Variants in RTN3 observed in about 807,000 individuals in gnomAD.
RTN3 encodes the protein reticulon 3.
RTN3 carries 49 observed loss-of-function variants against 77.8 expected under a neutral mutation model. The observed-to-expected ratio is 0.63, with a 90% CI of 0.50 to 0.80. RTN3 has a LOEUF of 0.80. Among genes scored for constraint, RTN3 ranks in the 30% least tolerant of loss-of-function variants. The pLI is 0.00. For synonymous variants in RTN3, 464 were observed against 446.9 expected, an observed-to-expected ratio of 1.04 and a Z score of -0.48; for missense variants, 1,236 against 1,211.9, an observed-to-expected ratio of 1.02 and a Z score of -0.29.
chr11:63,740,448 A>ATTTTTTTTTTTTTTT (rs34045543), intron 3 of RTN3, among the ~76,000 whole-genome samples: 2 of 120,754 alleles, frequency 1.7e-5, no homozygotes, highest in African/African-American at 3.1e-5. Context: ...TGCCTGGCTA[A>ATTTTTTTTTTTTTTT]TTTTTTTTTT....
intron 1 of RTN3, among the ~76,000 whole-genome samples, chr11:63,689,632 C>A (rs1941551369): frequency 6.6e-6 from 1 of 151,616 alleles, no homozygotes; most frequent in African/African-American, 2.4e-5. Context: ...ACTATTCTTA[C>A]CTGTTTTCTC....
chr11:63,693,077 C>T (rs1285325908), intron 1 of RTN3, among the ~76,000 whole-genome samples: 1 of 152,106 alleles, frequency 6.6e-6, no homozygotes, highest in Non-Finnish European at 1.5e-5. Flanking sequence ...GCCCAGCTTC[C>T]TTATTGGTTT....
chr11:63,756,242 CA>C, intron 8 of RTN3, 72 bp downstream of exon 8: 1 of 1,004,330 alleles, frequency 1.0e-6, no homozygotes. Flanking sequence ...GTCCCTTGTA[CA>C]AAATGCAGAT....
chr11:63,750,444 G>C (rs2014039377), intron 4 of RTN3: 2 of 449,428 alleles, frequency 4.5e-6, no homozygotes, highest in Admixed American at 3.9e-5. Context: ...CTTCAAAGAA[G>C]ACTCTAAATT....
At chr11:63,744,563 A>T (rs941795565) in intron 3 of RTN3, among the ~76,000 whole-genome samples, 8 of 152,218 alleles carry the variant, frequency 5.3e-5, no homozygotes, top group Non-Finnish European at 1.0e-4. Flanking sequence ...ACATTAAAAA[A>T]ATACAGTAAA....
At chr11:63,732,304 A>C (rs1368342973) in intron 3 of RTN3, among the ~76,000 whole-genome samples, 1 of 152,068 alleles carries the variant, frequency 6.6e-6, no homozygotes, top group Admixed American at 6.6e-5. Flanking sequence ...ACAGGCAGGC[A>C]TCTAGGGACT....
At chr11:63,705,970 T>G (rs1331705948) in intron 2 of RTN3, among the ~76,000 whole-genome samples, 1 of 152,226 alleles carries the variant, frequency 6.6e-6, no homozygotes, top group African/African-American at 2.4e-5. Context: ...AGAACCTTTA[T>G]TTTAAAAGAG....
chr11:63,751,234 G>T (rs914796696), intron 4 of RTN3, among the ~76,000 whole-genome samples: 3 of 152,218 alleles, frequency 2.0e-5, no homozygotes, highest in Non-Finnish European at 4.4e-5. Flanking sequence ...GTTAGATGGG[G>T]TTCCAAGTGC....
chr11:63,739,100 A>C (rs376520501), intron 3 of RTN3, among the ~76,000 whole-genome samples: 35 of 152,314 alleles, frequency 2.3e-4, no homozygotes, highest in African/African-American at 7.5e-4. Context: ...AAATAAAAAG[A>C]AGGAATCAGT....
chr11:63,696,090 T>C (rs1941923412), intron 1 of RTN3, among the ~76,000 whole-genome samples: 2 of 146,030 alleles, frequency 1.4e-5, no homozygotes, highest in Non-Finnish European at 3.0e-5. Flanking sequence ...TTAAGTTTCC[T>C]TTAAAAAAAA....
At position 63,759,003 on chromosome 11, in the gene RTN3, G is replaced by A. The variant is rs1007184018; in HGVS notation, c.*802G>A. On this transcript the variant is annotated 3_prime_UTR_variant, in exon 9 of 9. Transcript: ENST00000377819. ...GAATGTGCTTTCCTCCCTCTCCCCTGCCCACCTCAAGTTTAATAAATAAGG... is the reference window on the plus strand; with the variant it reads ...GAATGTGCTTTCCTCCCTCTCCCCTACCCACCTCAAGTTTAATAAATAAGG... 2 of 152,088 alleles carry A rather than the reference G, an allele frequency of 1.3e-5. No homozygotes were observed. Among genetic ancestry groups the A allele is most frequent in the Non-Finnish European group, 2.9e-5 (2 of 68,042 alleles). The allele number at this position is 152,088 out of a possible 1,614,324, so 9.4% of individuals were successfully genotyped here. A position where few individuals can be genotyped will look rare whatever the true frequency, so the allele number is the denominator to read the frequency against.
At chr11:63,743,306 TGTAA>T (rs1241187440) in intron 3 of RTN3, among the ~76,000 whole-genome samples, 7 of 152,238 alleles carry the variant, frequency 4.6e-5, no homozygotes, top group Admixed American at 2.6e-4. Context: ...CGATGTTTGC[TGTAA>T]GTTACTGGTA....
chr11:63,744,240 C>CAAAAAAAAAA (rs71468642), intron 3 of RTN3, among the ~76,000 whole-genome samples: 22 of 63,626 alleles, frequency 3.5e-4, no homozygotes, highest in African/African-American at 1.3e-3. Context: ...GACTCTGTCT[C>CAAAAAAAAAA]AAAAAAAAAA....
At chr11:63,724,173 CTTTTTTTT>C (rs958114305) in intron 3 of RTN3, among the ~76,000 whole-genome samples, 6 of 85,452 alleles carry the variant, frequency 7.0e-5, no homozygotes, top group Non-Finnish European at 1.2e-4. Context: ...TTTAGGAATT[CTTTTTTTT>C]TTTTTTTTTT....
chr11:63,684,846 G>A (rs1941281144), intron 1 of RTN3, among the ~76,000 whole-genome samples: 1 of 152,096 alleles, frequency 6.6e-6, no homozygotes, highest in African/African-American at 2.4e-5. Flanking sequence ...TGCAACCTCT[G>A]TCTCCTGGGC....
chr11:63,691,459 G>T (rs988125792), intron 1 of RTN3, among the ~76,000 whole-genome samples: 2 of 151,922 alleles, frequency 1.3e-5, no homozygotes, highest in Non-Finnish European at 2.9e-5. Context: ...GTCTCACTAT[G>T]TTGCCTAGGC....
intron 1 of RTN3, among the ~76,000 whole-genome samples, chr11:63,704,256 G>C (rs912851966): frequency 6.6e-6 from 1 of 152,108 alleles, no homozygotes; most frequent in African/African-American, 2.4e-5. Flanking sequence ...ACCTGCCTCA[G>C]CTTCCCAAAG....
chr11:63,726,538 A>G (rs77082500), intron 3 of RTN3, among the ~76,000 whole-genome samples: 2,657 of 152,310 alleles, frequency 0.017, 74 homozygotes, highest in African/African-American at 0.061. Context: ...ACTTAACACA[A>G]AAGATTATAA....
chr11:63,692,077 C>T (rs998224811), intron 1 of RTN3, among the ~76,000 whole-genome samples: 2 of 152,166 alleles, frequency 1.3e-5, no homozygotes, highest in African/African-American at 4.8e-5. Context: ...GGCTGGAGTG[C>T]AGTGGCGCGA....
Sources: gnomAD v4.1 joint callset for allele counts (sites outside exome capture counted in the v4.1 genomes callset) on GRCh38, gnomAD v4.1.1 for gene constraint, MANE v1.5 for transcripts, NCBI Gene and HGNC (gene_info 2026-07-23, HGNC 2026-07-21) for gene names.